THSD7A: variants seen among roughly 807,000 people sequenced by gnomAD.
THSD7A encodes the protein thrombospondin type 1 domain containing 7A.
THSD7A carries 96 observed loss-of-function variants against 231.3 expected under a neutral mutation model. The observed-to-expected ratio is 0.41, with a 90% confidence interval of 0.35 to 0.49. THSD7A has a LOEUF of 0.49. Ranked by LOEUF, THSD7A falls within the 20% of genes least tolerant of loss-of-function variation. The pLI, the probability that THSD7A is intolerant of heterozygous loss-of-function variation, is 0.05. For synonymous variants in THSD7A, 940 were observed against 743.3 expected (o/e 1.26, Z -4.30); for missense variants, 2,290 against 2,070.2 (o/e 1.11, Z -2.06).
intron 1 of THSD7A, among the ~76,000 whole-genome samples, chr7:11,747,378 T>C (rs1014252259): frequency 1.3e-5 from 2 of 151,864 alleles, no homozygotes; most frequent in Non-Finnish European, 2.9e-5. Context: ...TTAAAATTCC[T>C]CTCCGTTGAG....
chr7:11,503,587 A>G (rs1583862642), intron 6 of THSD7A, among the ~76,000 whole-genome samples: 2 of 152,306 alleles, frequency 1.3e-5, no homozygotes, highest in East Asian at 3.9e-4. Flanking sequence ...TCCAGCATCT[A>G]TAACGAACTT....
At chr7:11,627,403 T>C (rs143946022) in intron 2 of THSD7A, among the ~76,000 whole-genome samples, 1 of 152,110 alleles carries the variant, frequency 6.6e-6, no homozygotes, top group African/African-American at 2.4e-5. Context: ...AATATATACA[T>C]ACAAAATGTA....
chr7:11,539,961 C>T (rs1326042202), intron 6 of THSD7A, among the ~76,000 whole-genome samples: 3 of 152,174 alleles, frequency 2.0e-5, no homozygotes, highest in African/African-American at 7.2e-5. Flanking sequence ...TTCAATACGA[C>T]CCTGACTGTT....
chr7:11,518,071 C>G (rs1349556737), intron 6 of THSD7A, among the ~76,000 whole-genome samples: 3 of 152,116 alleles, frequency 2.0e-5, no homozygotes, highest in Non-Finnish European at 4.4e-5. Flanking sequence ...ACCCTGCCCA[C>G]CTTATTTAAC....
At chr7:11,751,690 G>A (rs1782506559) in intron 1 of THSD7A, among the ~76,000 whole-genome samples, 1 of 151,892 alleles carries the variant, frequency 6.6e-6, no homozygotes, top group Non-Finnish European at 1.5e-5. Flanking sequence ...AATTAAAAAT[G>A]TAAGCTTATG....
At chr7:11,574,677 C>A (rs1034767480) in intron 4 of THSD7A, among the ~76,000 whole-genome samples, 1 of 151,692 alleles carries the variant, frequency 6.6e-6, no homozygotes, top group Non-Finnish European at 1.5e-5. Flanking sequence ...ACCTCGTGAT[C>A]CGCCCACCTC....
chr7:11,526,980 A>G (rs559199813), intron 6 of THSD7A, among the ~76,000 whole-genome samples: 10 of 152,332 alleles, frequency 6.6e-5, no homozygotes, highest in African/African-American at 2.4e-4. Flanking sequence ...AAATGAAAGA[A>G]TGAATGAGCC....
rs58931693 is a variant in THSD7A at position 11,780,997 on chromosome 7, C to CAAAAAAAA, written c.190+50752_190+50759dup. On this transcript the variant is annotated intron_variant, in intron 1 of 27. Coordinates refer to ENST00000423059, the MANE Select transcript of THSD7A (RefSeq NM_015204.3). Reference sequence around the variant, plus strand: ...TGGGCGACAGAGCGAGACTCCGTCTCAAAAAAAAAAAAAAAAAAAAAAAAA... The same window carrying CAAAAAAAA: ...TGGGCGACAGAGCGAGACTCCGTCTCAAAAAAAAAAAAAAAAAAAAAAAAAAAAAAAAA... Among the ~76,000 whole-genome samples the CAAAAAAAA allele has an allele frequency of 8.5e-3, 292 of 34,442 alleles. 60 individuals carry two copies. Among genetic ancestry groups the CAAAAAAAA allele is most frequent in the Non-Finnish European group, 0.011 (203 of 18,856 alleles). The allele number at this position is 34,442 out of a possible 152,430, so 22.6% of individuals were successfully genotyped here. A position where few individuals can be genotyped will look rare whatever the true frequency, so the allele number is the denominator to read the frequency against.
intron 1 of THSD7A, among the ~76,000 whole-genome samples, chr7:11,771,804 G>A (rs1243965117): frequency 2.0e-5 from 3 of 152,322 alleles, no homozygotes; most frequent in South Asian, 4.1e-4. Context: ...CATGGCGGTA[G>A]ATCTTTCATG....
intron 4 of THSD7A, among the ~76,000 whole-genome samples, chr7:11,554,607 T>C (rs73050397): frequency 0.051 from 7,760 of 152,124 alleles, 239 homozygotes; most frequent in South Asian, 0.072. Flanking sequence ...CTTTTTAATA[T>C]TGGAGTAGGC....
intron 1 of THSD7A, among the ~76,000 whole-genome samples, chr7:11,758,932 C>A (rs1782769171): frequency 1.3e-5 from 2 of 151,976 alleles, no homozygotes. Flanking sequence ...AGGCAGCAGG[C>A]TGAAATTGTT....
At chr7:11,427,799 G>A (rs1784367634) in intron 14 of THSD7A, among the ~76,000 whole-genome samples, 1 of 152,072 alleles carries the variant, frequency 6.6e-6, no homozygotes, top group South Asian at 2.1e-4. Context: ...ATTTTCTTTG[G>A]AAATTTCCTT....
chr7:11,618,972 C>T (rs1247445988), intron 2 of THSD7A, among the ~76,000 whole-genome samples: 1 of 151,604 alleles, frequency 6.6e-6, no homozygotes, highest in Non-Finnish European at 1.5e-5. Context: ...GAATCGTTCT[C>T]AATCCAAAGA....
At chr7:11,561,246 G>T (rs986688258) in intron 4 of THSD7A, among the ~76,000 whole-genome samples, 4 of 152,020 alleles carry the variant, frequency 2.6e-5, no homozygotes, top group Non-Finnish European at 5.9e-5. Context: ...TTTAATATAG[G>T]TCATAATTAA....
At chr7:11,566,177 G>C (rs931401590) in intron 4 of THSD7A, among the ~76,000 whole-genome samples, 1 of 152,166 alleles carries the variant, frequency 6.6e-6, no homozygotes, top group Non-Finnish European at 1.5e-5. Flanking sequence ...GCAGCTTTCT[G>C]GAATGTGGCA....
At chr7:11,560,275 T>C (rs915358472) in intron 4 of THSD7A, among the ~76,000 whole-genome samples, 3 of 152,180 alleles carry the variant, frequency 2.0e-5, no homozygotes, top group Non-Finnish European at 2.9e-5. Flanking sequence ...AAAGCAGTCA[T>C]GAATATCAGG....
intron 11 of THSD7A, among the ~76,000 whole-genome samples, chr7:11,459,832 C>A (rs899564165): frequency 1.3e-5 from 2 of 151,474 alleles, no homozygotes; most frequent in Non-Finnish European, 2.9e-5. Flanking sequence ...ACATGAAATA[C>A]GTAACTACAC....
At chr7:11,571,541 A>C (rs753030630) in intron 4 of THSD7A, among the ~76,000 whole-genome samples, 4 of 152,176 alleles carry the variant, frequency 2.6e-5, no homozygotes. Flanking sequence ...CATTTTTCTA[A>C]AGAAGTTAAG....
At position 11,468,990 on chromosome 7, in the gene THSD7A, C is replaced by T. The variant is rs1036303764; in HGVS notation, c.2368+889G>A. Among the ~76,000 whole-genome samples, 6 of 151,790 alleles carry T rather than the reference C, an allele frequency of 4.0e-5. No individual in the cohort carries two copies. In the South Asian group the frequency reaches 6.2e-4, roughly 16 times the overall value. On this transcript the variant is annotated intron_variant, in intron 9 of 27. Coordinates refer to ENST00000423059, the MANE Select transcript of THSD7A (RefSeq NM_015204.3). ...AATATAGTAACACAGTAAAAGTATC[C>T]ATTATTAAATGTATAATACCTAAAG...
Sources: allele counts gnomAD v4.1 joint callset (sites outside exome capture counted in the v4.1 genomes callset), GRCh38; gene constraint gnomAD v4.1.1; transcripts MANE v1.5; gene names NCBI Gene and HGNC (gene_info 2026-07-23, HGNC 2026-07-21).